The following KCNT2 variants were observed in gnomAD, a reference collection of about 807,000 sequenced individuals.
KCNT2 encodes potassium channel subfamily T member 2.
Under a neutral mutation model 153.8 loss-of-function variants are expected in KCNT2, and 67 were observed. That is an observed-to-expected ratio of 0.44 (90% CI 0.36 to 0.53). The LOEUF is 0.53. KCNT2 is among the 20% of genes least tolerant of loss of function. The pLI is 0.00. For synonymous variants in KCNT2, 500 were observed against 458.8 expected (o/e 1.09, Z -1.15); for missense variants, 975 against 1,354.8 (o/e 0.72, Z 4.40).
At chr1:196,430,700 G>C (rs1474805111) in intron 8 of KCNT2, among the ~76,000 whole-genome samples, 1 of 152,030 alleles carries the variant, frequency 6.6e-6, no homozygotes, top group Non-Finnish European at 1.5e-5. Flanking sequence ...TTGATGAGGT[G>C]ACAGTAAGAG....
In KCNT2 at chr1:196,258,169, ATACAG is replaced by A; in HGVS notation, c.3211+20_3211+24del. The A allele has an allele frequency of 6.2e-7, 1 of 1,609,754 alleles. No homozygotes were observed. Among genetic ancestry groups the A allele is most frequent in the Non-Finnish European group, 8.5e-7 (1 of 1,178,134 alleles). On this transcript the variant is annotated intron_variant, in intron 26 of 27. Coordinates refer to ENST00000294725, the MANE Select transcript of KCNT2 (RefSeq NM_198503.5). The stretch of plus-strand genomic sequence containing the variant: ...ATGGCAAGAAATCACGAGTCCATAT[ATACAG>A]TAGTTTTTAAAGAGCATACCATATC...
chr1:196,605,894 ATAAAT>A (rs1665263694), intron 1 of KCNT2, among the ~76,000 whole-genome samples: 1 of 152,196 alleles, frequency 6.6e-6, no homozygotes, highest in Non-Finnish European at 1.5e-5. Flanking sequence ...ATAAGTTCAA[ATAAAT>A]TAAGTGAAAA....
intron 8 of KCNT2, among the ~76,000 whole-genome samples, chr1:196,453,655 G>T (rs921989138): frequency 6.6e-6 from 1 of 151,824 alleles, no homozygotes; most frequent in Non-Finnish European, 1.5e-5. Flanking sequence ...TCATATCTTA[G>T]ATCATGCCAC....
intron 22 of KCNT2, among the ~76,000 whole-genome samples, chr1:196,298,625 T>A (rs1466330306): frequency 6.6e-6 from 1 of 151,840 alleles, no homozygotes; most frequent in Non-Finnish European, 1.5e-5. Context: ...ATTATGCAGG[T>A]AAGATTAATT....
At chr1:196,404,189 A>G (rs896606926) in intron 12 of KCNT2, 18 of 957,096 alleles carry the variant, frequency 1.9e-5, no homozygotes, top group African/African-American at 8.8e-5. Flanking sequence ...CTGCTCTAAT[A>G]GCTTCCACTT....
At chr1:196,474,164 G>A (rs776333409) in intron 5 of KCNT2, among the ~76,000 whole-genome samples, 6 of 151,808 alleles carry the variant, frequency 4.0e-5, no homozygotes, top group Admixed American at 6.6e-5. Flanking sequence ...AAAATGCATC[G>A]CACTTTTATT....
At chr1:196,325,057 C>T (rs1192876968) in intron 19 of KCNT2, among the ~76,000 whole-genome samples, 1 of 152,054 alleles carries the variant, frequency 6.6e-6, no homozygotes, top group Non-Finnish European at 1.5e-5. Flanking sequence ...AATAAGGTTA[C>T]CTAGCAAGAC....
chr1:196,567,139 C>T (rs190393138), intron 1 of KCNT2, among the ~76,000 whole-genome samples: 57 of 152,060 alleles, frequency 3.7e-4, no homozygotes, highest in African/African-American at 1.4e-3. Flanking sequence ...CCTTAATTAC[C>T]ATGGTCCATT....
chr1:196,290,240 C>T (rs1571924298), intron 22 of KCNT2, among the ~76,000 whole-genome samples: 1 of 151,960 alleles, frequency 6.6e-6, no homozygotes, highest in Non-Finnish European at 1.5e-5. Flanking sequence ...AGCATTCATC[C>T]TACTTGAACT....
chr1:196,368,981 C>G (rs1348022810), intron 14 of KCNT2, among the ~76,000 whole-genome samples: 1 of 151,696 alleles, frequency 6.6e-6, no homozygotes, highest in African/African-American at 2.4e-5. Flanking sequence ...TTTTCCCCCT[C>G]TCTCTTTTCT....
At chr1:196,381,971 C>T (rs943836967) in intron 13 of KCNT2, among the ~76,000 whole-genome samples, 2 of 151,630 alleles carry the variant, frequency 1.3e-5, no homozygotes, top group African/African-American at 4.9e-5. Context: ...ATAAATACTG[C>T]AATAAATGGT....
chr1:196,604,542 A>AAATTTATTC lies in KCNT2; in HGVS notation c.95+3672_95+3673insGAATAAATT, dbSNP rs1665104473. Reference sequence around the variant, plus strand: ...TCATTTAGCAACTCAAATTTATTTCATGGCCTCACAGAAGTAGTGTTATCC... The same window carrying AAATTTATTC: ...TCATTTAGCAACTCAAATTTATTTCAAATTTATTCTGGCCTCACAGAAGTAGTGTTATCC... On this transcript the variant is annotated intron_variant, in intron 1 of 27. Coordinates refer to ENST00000294725, the MANE Select transcript of KCNT2 (RefSeq NM_198503.5). Among the ~76,000 whole-genome samples the AAATTTATTC allele has an allele frequency of 2.0e-5, 3 of 152,322 alleles. No individual in the cohort carries two copies. The East Asian group carries it at 5.8e-4, about 29-fold the overall frequency.
intron 12 of KCNT2, among the ~76,000 whole-genome samples, chr1:196,402,001 G>GA (rs887230838): frequency 1.3e-4 from 20 of 151,242 alleles, no homozygotes; most frequent in African/African-American, 4.6e-4. Context: ...GAAAACCCTG[G>GA]AAAAAATTCT....
At chr1:196,483,626 C>A (rs1275002468) in intron 3 of KCNT2, among the ~76,000 whole-genome samples, 1 of 152,150 alleles carries the variant, frequency 6.6e-6, no homozygotes, top group African/African-American at 2.4e-5. Context: ...AGTCTCAGCT[C>A]AACCCTCTGT....
rs1653445764 is a variant in KCNT2 at position 196,225,783 on chromosome 1, C to T, written c.*2441G>A. On this transcript the variant is annotated 3_prime_UTR_variant, in exon 28 of 28. Transcript: ENST00000294725. Reference sequence around the variant, plus strand: ...TTGGCAAAAAAAAATCAAGAGTTTTCATCATTAGAAATAATTTTATTATTT... The same window carrying T: ...TTGGCAAAAAAAAATCAAGAGTTTTTATCATTAGAAATAATTTTATTATTT... The T allele has an allele frequency of 6.6e-6, 1 of 152,060 alleles. No individual in the cohort carries two copies. The highest frequency in any genetic ancestry group is 2.4e-5 in the African/African-American group (1 of 41,414). 9.4% of individuals were successfully genotyped at this position (152,060 alleles called of 1,614,324 possible).
At chr1:196,436,635 T>C (rs931767502) in intron 8 of KCNT2, among the ~76,000 whole-genome samples, 1 of 151,438 alleles carries the variant, frequency 6.6e-6, no homozygotes, top group Non-Finnish European at 1.5e-5. Context: ...GGAGCTATTA[T>C]TAAATGAAAA....
At chr1:196,519,947 G>A (rs1034630165) in intron 1 of KCNT2, among the ~76,000 whole-genome samples, 29 of 152,144 alleles carry the variant, frequency 1.9e-4, no homozygotes, top group African/African-American at 5.5e-4. Context: ...CTCATTCTAT[G>A]AGGCCAGGAT....
chr1:196,397,649 A>G (rs1671057396), intron 13 of KCNT2, among the ~76,000 whole-genome samples: 1 of 151,508 alleles, frequency 6.6e-6, no homozygotes, highest in African/African-American at 2.4e-5. Flanking sequence ...GGGGAAGGCT[A>G]GAGCAAACTG....
At chr1:196,500,302 G>A (rs534342794) in intron 1 of KCNT2, among the ~76,000 whole-genome samples, 1 of 118,182 alleles carries the variant, frequency 8.5e-6, no homozygotes, top group African/African-American at 3.3e-5. Context: ...GGGAGGGAGG[G>A]AGGGAGGGAG....
Sources: gnomAD v4.1 joint callset for allele counts (sites outside exome capture counted in the v4.1 genomes callset) on GRCh38, gnomAD v4.1.1 for gene constraint, MANE v1.5 for transcripts, NCBI Gene and HGNC (gene_info 2026-07-23, HGNC 2026-07-21) for gene names.